Variants in DDX10 observed in about 807,000 individuals in gnomAD.
The protein encoded by DDX10 is DEAD-box helicase 10, also known as probable ATP-dependent RNA helicase DDX10.
Under a neutral mutation model 104.3 loss-of-function variants are expected in DDX10, and 74 were observed. That is an observed-to-expected ratio of 0.71 (90% CI 0.59 to 0.86). DDX10 has a LOEUF of 0.86. DDX10 is among the 40% of genes least tolerant of loss of function. The pLI is 0.00. For synonymous variants in DDX10, 351 were observed against 353.4 expected (o/e 0.99, Z 0.08); for missense variants, 952 against 1,040.0 (o/e 0.92, Z 1.16).
At chr11:108,689,346 G>C (rs2094248938) in intron 7 of DDX10, among the ~76,000 whole-genome samples, 1 of 152,106 alleles carries the variant, frequency 6.6e-6, no homozygotes, top group African/African-American at 2.4e-5. Flanking sequence ...CTAAGCAGAG[G>C]TCTTTATAAT....
At chr11:108,792,394 T>C (rs1861883673) in intron 13 of DDX10, among the ~76,000 whole-genome samples, 1 of 152,214 alleles carries the variant, frequency 6.6e-6, no homozygotes, top group Non-Finnish European at 1.5e-5. Context: ...TTTTTAGCTC[T>C]TGGATTTAGG....
intron 13 of DDX10, among the ~76,000 whole-genome samples, chr11:108,737,975 T>A (rs2094320403): frequency 6.6e-6 from 1 of 152,198 alleles, no homozygotes; most frequent in African/African-American, 2.4e-5. Flanking sequence ...TCTTCCTTGC[T>A]GTGATACCTA....
At chr11:108,871,784 C>T (rs530355581) in intron 16 of DDX10, among the ~76,000 whole-genome samples, 2 of 152,178 alleles carry the variant, frequency 1.3e-5, no homozygotes, top group African/African-American at 2.4e-5. Context: ...CAAAACTAGC[C>T]GGGAGTGGTG....
intron 13 of DDX10, among the ~76,000 whole-genome samples, chr11:108,739,509 A>G (rs1389910976): frequency 6.6e-6 from 1 of 152,168 alleles, no homozygotes; most frequent in Non-Finnish European, 1.5e-5. Context: ...AATATATATT[A>G]TTCATTTTTG....
intron 13 of DDX10, chr11:108,822,684 G>A (rs907485494): frequency 3.2e-5 from 5 of 154,392 alleles, no homozygotes; most frequent in South Asian, 2.0e-4. Flanking sequence ...TGCTACGAAG[G>A]TTCCCTCTCT....
intron 15 of DDX10, among the ~76,000 whole-genome samples, chr11:108,848,571 T>C (rs186490319): frequency 1.3e-5 from 2 of 152,282 alleles, no homozygotes; most frequent in Admixed American, 6.5e-5. Flanking sequence ...CATTTGGAGA[T>C]GTCTGCCTGG....
intron 13 of DDX10, among the ~76,000 whole-genome samples, chr11:108,828,497 G>A (rs537051210): frequency 3.5e-4 from 53 of 151,914 alleles, no homozygotes; most frequent in African/African-American, 1.2e-3. Context: ...CCTTTTTACG[G>A]CTGAATAGTA....
chr11:108,788,868 G>C (rs910990925), intron 13 of DDX10, among the ~76,000 whole-genome samples: 2 of 152,204 alleles, frequency 1.3e-5, no homozygotes, highest in Non-Finnish European at 2.9e-5. Flanking sequence ...GTGGGAGAGA[G>C]AGATGACCCC....
intron 16 of DDX10, among the ~76,000 whole-genome samples, chr11:108,885,410 T>C (rs570545647): frequency 6.8e-6 from 1 of 147,168 alleles, no homozygotes; most frequent in African/African-American, 2.5e-5. Context: ...CAGGCTGGAG[T>C]GTAGTGGCGT....
chr11:108,847,603 T>C (rs1591834281), intron 15 of DDX10, among the ~76,000 whole-genome samples: 1 of 152,220 alleles, frequency 6.6e-6, no homozygotes, highest in African/African-American at 2.4e-5. Flanking sequence ...CTTTAGAAAA[T>C]CTATCTTGTT....
intron 2 of DDX10, among the ~76,000 whole-genome samples, chr11:108,674,535 G>C (rs998167507): frequency 6.6e-6 from 1 of 150,466 alleles, no homozygotes; most frequent in African/African-American, 2.4e-5. Flanking sequence ...TTTTAAGATA[G>C]GGTCTTGCTC....
At position 108,862,083 on chromosome 11, in the gene DDX10, A is replaced by G. The variant is rs578143444; in HGVS notation, c.2304+9874A>G. Among the ~76,000 whole-genome samples the G allele has an allele frequency of 3.3e-5, 5 of 152,288 alleles. No individual in the cohort carries two copies. In the South Asian group the frequency reaches 6.2e-4, roughly 19 times the overall value. On this transcript the variant is annotated intron_variant, in intron 16 of 17. Coordinates refer to ENST00000322536, the MANE Select transcript of DDX10 (RefSeq NM_004398.4). ...GCCCAGGTTGTGGTGTAGTGGCACT[A>G]TCATAGCTCACTGTAACCTTGACCG...
chr11:108,908,430 T>C (rs1174520818), intron 16 of DDX10, among the ~76,000 whole-genome samples: 1 of 152,238 alleles, frequency 6.6e-6, no homozygotes, highest in Non-Finnish European at 1.5e-5. Flanking sequence ...ATTTTGCTTT[T>C]AATTCATACA....
At chr11:108,818,198 A>G (rs1411115743) in intron 13 of DDX10, among the ~76,000 whole-genome samples, 1 of 152,184 alleles carries the variant, frequency 6.6e-6, no homozygotes, top group Non-Finnish European at 1.5e-5. Flanking sequence ...CAACACCATT[A>G]TCAAGGTGAA....
At position 108,886,518 on chromosome 11, in the gene DDX10, C is replaced by G. The variant is rs1348903100; in HGVS notation, c.2305-31355C>G. 3.3e-5 allele frequency among the ~76,000 whole-genome samples: 5 copies of G among 152,252 alleles called. No individual in the cohort carries two copies. In the East Asian group the frequency reaches 9.7e-4, roughly 29 times the overall value. On this transcript the variant is annotated intron_variant, in intron 16 of 17. Transcript: ENST00000322536. The stretch of plus-strand genomic sequence containing the variant: ...AGAATGTAAAAAGCCTCCTATACCC[C>G]CTGGAAATCTGAGTTCTTCTAAAAG...
chr11:108,872,034 T>C (rs2134624134), intron 16 of DDX10, among the ~76,000 whole-genome samples: 1 of 152,366 alleles, frequency 6.6e-6, no homozygotes, highest in South Asian at 2.1e-4. Flanking sequence ...ATGATTGCAT[T>C]GCTAGTAGCA....
chr11:108,798,397 C>T (rs974929345), intron 13 of DDX10, among the ~76,000 whole-genome samples: 83 of 152,132 alleles, frequency 5.5e-4, no homozygotes, highest in African/African-American at 1.9e-3. Context: ...AGAAATTTTT[C>T]GTCTTGCAAA....
At chr11:108,896,684 G>A (rs902723828) in intron 16 of DDX10, among the ~76,000 whole-genome samples, 6 of 152,096 alleles carry the variant, frequency 3.9e-5, no homozygotes, top group African/African-American at 1.4e-4. Flanking sequence ...AGGAATTCAA[G>A]CCAGTTTGGT....
At chr11:108,704,765 G>A (rs763561650) in intron 9 of DDX10, among the ~76,000 whole-genome samples, 2 of 152,200 alleles carry the variant, frequency 1.3e-5, no homozygotes, top group African/African-American at 4.8e-5. Flanking sequence ...TTCTAAAACA[G>A]ATAATTGGTG....
Sources: allele counts gnomAD v4.1 joint callset (sites outside exome capture counted in the v4.1 genomes callset), GRCh38; gene constraint gnomAD v4.1.1; transcripts MANE v1.5; gene names NCBI Gene and HGNC (gene_info 2026-07-23, HGNC 2026-07-21).